Variants in GAS6 observed in about 807,000 individuals in gnomAD.
The protein encoded by GAS6 is growth arrest-specific protein 6.
A neutral mutation model predicts 75.8 loss-of-function variants in GAS6; 41 were observed. The ratio of observed to expected loss-of-function variants is 0.54; its 90% CI spans 0.42 to 0.70. GAS6 has a LOEUF of 0.70. Ranked by LOEUF, GAS6 falls within the 30% of genes least tolerant of loss-of-function variation. The pLI, the probability that GAS6 is intolerant of heterozygous loss-of-function variation, is 0.00. For missense variants in GAS6, 854 were observed against 940.2 expected (o/e 0.91, Z 1.20); for synonymous variants, 432 against 412.6 (o/e 1.05, Z -0.57).
Position 113,863,991 on chromosome 13 carries a change from C to G in GAS6, c.-71G>C. Reference sequence around the variant, plus strand: ...AGCCGCGGGCGCCGCGGGGCGGAGGCTCCGGTCATCCCGTCCTGGCGGCCC... The same window carrying G: ...AGCCGCGGGCGCCGCGGGGCGGAGGGTCCGGTCATCCCGTCCTGGCGGCCC... On this transcript the variant is annotated 5_prime_UTR_variant, in exon 1 of 15. Coordinates refer to ENST00000327773, the MANE Select transcript of GAS6 (RefSeq NM_000820.4). This position sits in a 1 kb window ranked among gnomAD's most constrained non-coding sequence, Gnocchi z 9.4. 1 of 1,022,412 alleles carries G rather than the reference C, an allele frequency of 9.8e-7. No homozygotes were observed. The allele number at this position is 1,022,412 out of a possible 1,614,324, so 63.3% of individuals were successfully genotyped here.
intron 2 of GAS6, among the ~76,000 whole-genome samples, chr13:113,849,639 A>G (rs2051858832): frequency 6.6e-6 from 1 of 152,196 alleles, no homozygotes; most frequent in Non-Finnish European, 1.5e-5. Context: ...AGTGTGTTCT[A>G]TTTTTCAAAA....
chr13:113,834,631 C>T lies in GAS6; in HGVS notation c.754G>A (p.Val252Met), dbSNP rs145666590. Residue 252 changes from valine (V) to methionine (M), a missense_variant, in exon 8 of 15, where the codon GTG (valine) becomes ATG (methionine). Transcript: ENST00000327773. ...CLQGRCEQVCVNSPGSYTCHC... is the reference protein window; with the variant it reads ...CLQGRCEQVCMNSPGSYTCHC... ...CAGGTGTAGCTCCCTGGGGAGTTCA[C>T]GCAGACCTGCTCACAGCGGCCCTGC... 659 of 1,606,866 alleles carry T rather than the reference C, an allele frequency of 4.1e-4. 2 individuals carry two copies. The African/African-American group carries it at 7.3e-3, about 18-fold the overall frequency.
At chr13:113,824,041 TGGGGTCTGAGCTGTCAGGAGCACGC>T (rs2051497517) in intron 12 of GAS6, among the ~76,000 whole-genome samples, 1 of 151,484 alleles carries the variant, frequency 6.6e-6, no homozygotes, top group African/African-American at 2.4e-5. Flanking sequence ...CACGGTGGTC[TGGGGTCTGAGCTGTCAGGAGCACGC>T]GCGGTCTGGG....
chr13:113,860,648 G>A (rs545391740), intron 2 of GAS6, among the ~76,000 whole-genome samples: 1 of 152,318 alleles, frequency 6.6e-6, no homozygotes, highest in South Asian at 2.1e-4. Context: ...AGGCCAGGGA[G>A]GGAGAACAAC....
chr13:113,835,748 TG>T (rs2051695414), intron 6 of GAS6, 113 bp from the exon 7 acceptor site: 2 of 1,498,704 alleles, frequency 1.3e-6, no homozygotes, highest in South Asian at 2.7e-5. Flanking sequence ...ATCCAGACTC[TG>T]TGGGGCCAGC....
chr13:113,835,441 C>T (rs1021641632), intron 7 of GAS6, 72 bp downstream of exon 7: 11 of 1,560,152 alleles, frequency 7.1e-6, no homozygotes, highest in Non-Finnish European at 9.6e-6. Context: ...GCAACCGGCT[C>T]GGGCAGTGAC....
chr13:113,858,718 T>C (rs900015246), intron 2 of GAS6, among the ~76,000 whole-genome samples: 6 of 152,192 alleles, frequency 3.9e-5, no homozygotes, highest in Non-Finnish European at 8.8e-5. Context: ...TACATCTATG[T>C]GAATGTGTGC....
In GAS6 at chr13:113,863,222, C is replaced by A. The variant is rs570430294; in HGVS notation, c.255+353G>T. Among the ~76,000 whole-genome samples, 828 of 152,332 alleles carry A rather than the reference C, an allele frequency of 5.4e-3. 4 individuals are homozygous for A. Among genetic ancestry groups the A allele is most frequent in the Non-Finnish European group, 8.5e-3 (575 of 68,018 alleles). Reference sequence around the variant, plus strand: ...CCTCTCAGGAGGACGAGGCGCGGCCCGGGGGTTCCTCACCTCCAGCCCAGC... The same window carrying A: ...CCTCTCAGGAGGACGAGGCGCGGCCAGGGGGTTCCTCACCTCCAGCCCAGC... On this transcript the variant is annotated intron_variant, in intron 2 of 14. Coordinates refer to ENST00000327773, the MANE Select transcript of GAS6 (RefSeq NM_000820.4). This position sits in a 1 kb window ranked among gnomAD's most constrained non-coding sequence, Gnocchi z 9.4.
At chr13:113,860,701 G>A (rs889399708) in intron 2 of GAS6, among the ~76,000 whole-genome samples, 2 of 152,178 alleles carry the variant, frequency 1.3e-5, no homozygotes, top group African/African-American at 4.8e-5. Flanking sequence ...TCTGGGCGGT[G>A]GAGAGCAAGG....
intron 7 of GAS6, 143 bp from the exon 8 acceptor site, chr13:113,834,815 G>T: frequency 1.1e-6 from 1 of 883,820 alleles, no homozygotes; most frequent in Non-Finnish European, 1.5e-6. Flanking sequence ...CTTGGGGGTC[G>T]CGTCCCCCCC....
Position 113,834,820 on chromosome 13 carries a change from C to T in GAS6, c.713-148G>A, listed in dbSNP as rs7337229. Reference sequence around the variant, plus strand: ...ACGGGGGCGGCTTGGGGGTCGCGTCCCCCCCCACTGGAAAGCTAGGTTGCA... The same window carrying T: ...ACGGGGGCGGCTTGGGGGTCGCGTCTCCCCCCACTGGAAAGCTAGGTTGCA... On this transcript the variant is annotated intron_variant, in intron 7 of 14. Coordinates refer to ENST00000327773, the MANE Select transcript of GAS6 (RefSeq NM_000820.4). 2,095 of 811,754 alleles carry T rather than the reference C, an allele frequency of 2.6e-3. 24 individuals carry two copies. The African/African-American group carries it at 0.036, about 14-fold the overall frequency. 50.3% of individuals were successfully genotyped at this position (811,754 alleles called of 1,614,324 possible).
chr13:113,829,185 T>C (rs1410925037), intron 10 of GAS6, among the ~76,000 whole-genome samples: 6 of 50,866 alleles, frequency 1.2e-4, no homozygotes, highest in African/African-American at 3.8e-4. Context: ...AGGGTCCCGA[T>C]CTCAGGGAGA....
chr13:113,826,267 T>C (rs1176552167), intron 12 of GAS6, among the ~76,000 whole-genome samples: 1 of 152,200 alleles, frequency 6.6e-6, no homozygotes, highest in Non-Finnish European at 1.5e-5. Flanking sequence ...CACCGGGTCA[T>C]CGGTGACCAC....
intron 8 of GAS6, chr13:113,833,059 A>G: frequency 2.4e-6 from 3 of 1,272,022 alleles, no homozygotes; most frequent in South Asian, 1.6e-5. Context: ...CAAAAATTAC[A>G]GAGAATCATT....
intron 2 of GAS6, among the ~76,000 whole-genome samples, chr13:113,859,247 T>C (rs1289320332): frequency 6.6e-6 from 1 of 151,892 alleles, no homozygotes; most frequent in Non-Finnish European, 1.5e-5. Context: ...TGTGCCTATG[T>C]ATGCATGTCT....
Position 113,837,791 on chromosome 13 carries a change from G to A in GAS6, c.589+278C>T, listed in dbSNP as rs1272054187. Among the ~76,000 whole-genome samples the A allele has an allele frequency of 1.3e-5, 2 of 152,138 alleles. No homozygotes were observed. Among genetic ancestry groups the A allele is most frequent in the Non-Finnish European group, 2.9e-5 (2 of 67,998 alleles). On this transcript the variant is annotated intron_variant, in intron 6 of 14. Coordinates refer to ENST00000327773, the MANE Select transcript of GAS6 (RefSeq NM_000820.4). This position sits in a 1 kb window ranked among gnomAD's most constrained non-coding sequence, Gnocchi z 5.1. The stretch of plus-strand genomic sequence containing the variant: ...ACTTCCAGGCTCTGTGAGGCTCTGG[G>A]GAATGGACGAGGCCCTACAGCCAGC...
intron 2 of GAS6, among the ~76,000 whole-genome samples, chr13:113,861,082 C>T (rs555350314): frequency 3.3e-5 from 5 of 150,910 alleles, no homozygotes; most frequent in African/African-American, 1.2e-4. Flanking sequence ...CGGGTGCTTC[C>T]GGGAAGAAGG....
intron 5 of GAS6, among the ~76,000 whole-genome samples, chr13:113,838,849 CAGAG>C (rs142571325): frequency 6.7e-6 from 1 of 148,862 alleles, no homozygotes; most frequent in African/African-American, 2.5e-5. Flanking sequence ...AGCCCCCGAG[CAGAG>C]AGAGATCCTA....
rs2051850110 is a variant in GAS6, at chr13:113,848,409, G to A, written c.256-359C>T. Among the ~76,000 whole-genome samples, 1 of 152,170 alleles carries A rather than the reference G, an allele frequency of 6.6e-6. No homozygotes were observed. Among genetic ancestry groups the A allele is most frequent in the South Asian group, 2.1e-4 (1 of 4,830 alleles). On this transcript the variant is annotated intron_variant, in intron 2 of 14. Transcript: ENST00000327773. The surrounding 1 kb of genome is among the most constrained non-coding windows in gnomAD (Gnocchi z 4.8). ...CACAAAGGTCTCTCAAAACCCCAAAGACCTTTCTTTTGGCACACGGGCATT... is the reference window on the plus strand; with the variant it reads ...CACAAAGGTCTCTCAAAACCCCAAAAACCTTTCTTTTGGCACACGGGCATT...
Sources: allele counts gnomAD v4.1 joint callset (sites outside exome capture counted in the v4.1 genomes callset), GRCh38; gene constraint gnomAD v4.1.1; non-coding constraint Gnocchi (gnomAD v3.1); transcripts MANE v1.5; gene names NCBI Gene and HGNC (gene_info 2026-07-23, HGNC 2026-07-21).